Variants in ARHGAP24 observed in about 807,000 individuals in gnomAD.
ARHGAP24 encodes Rho GTPase activating protein 24.
ARHGAP24 carries 50 observed loss-of-function variants against 76.4 expected under a neutral mutation model. That is an observed-to-expected ratio of 0.65 (90% CI 0.52 to 0.83). The LOEUF (loss-of-function observed/expected upper bound fraction) is 0.83. Ranked by LOEUF, ARHGAP24 falls within the 40% of genes least tolerant of loss-of-function variation. ARHGAP24 has a pLI of 0.00. For synonymous variants in ARHGAP24, 345 were observed against 323.3 expected, an observed-to-expected ratio of 1.07 and a Z score of -0.72; for missense variants, 930 against 914.2, an observed-to-expected ratio of 1.02 and a Z score of -0.22.
chr4:85,558,990 G>C (rs539232459), intron 1 of ARHGAP24, among the ~76,000 whole-genome samples: 43 of 148,274 alleles, frequency 2.9e-4, no homozygotes, highest in African/African-American at 1.0e-3. Context: ...ATTAAAAGTA[G>C]TGTTTCAGGA....
chr4:85,821,319 T>A (rs1729461157), intron 3 of ARHGAP24, among the ~76,000 whole-genome samples: 1 of 152,218 alleles, frequency 6.6e-6, no homozygotes, highest in African/African-American at 2.4e-5. Context: ...TAGATTAAAC[T>A]TGAAAAAGTT....
chr4:85,662,466 T>G (rs1379667558), intron 2 of ARHGAP24, among the ~76,000 whole-genome samples: 1 of 151,234 alleles, frequency 6.6e-6, no homozygotes, highest in East Asian at 1.9e-4. Context: ...ATTTTGTAGG[T>G]TGCCTTTTCA....
chr4:85,619,541 C>T (rs1384050814), intron 2 of ARHGAP24, among the ~76,000 whole-genome samples: 2 of 151,190 alleles, frequency 1.3e-5, no homozygotes, highest in Admixed American at 6.6e-5. Context: ...TGCTTTGGCT[C>T]TATGGATTGC....
In ARHGAP24 at chr4:85,476,971, C is replaced by T. The variant is rs890168063; in HGVS notation, c.-21+1412C>T. 9.2e-5 allele frequency among the ~76,000 whole-genome samples: 14 copies of T among 152,300 alleles called. No individual in the cohort carries two copies. The East Asian group carries it at 1.9e-3, about 21-fold the overall frequency. On this transcript the variant is annotated intron_variant, in intron 1 of 9. Transcript: ENST00000395184. ...CAGGTAGCAAGTCCAGAAATCTGTTCTCTCTAGAGCCATTACTTAGTGGTC... is the reference window on the plus strand; with the variant it reads ...CAGGTAGCAAGTCCAGAAATCTGTTTTCTCTAGAGCCATTACTTAGTGGTC...
chr4:85,484,432 T>C (rs1722939196), intron 1 of ARHGAP24, among the ~76,000 whole-genome samples: 1 of 152,098 alleles, frequency 6.6e-6, no homozygotes, highest in East Asian at 1.9e-4. Flanking sequence ...GCAATAATAA[T>C]ATTGATGATA....
At chr4:85,622,646 G>C (rs999755989) in intron 2 of ARHGAP24, among the ~76,000 whole-genome samples, 2 of 152,074 alleles carry the variant, frequency 1.3e-5, no homozygotes, top group Non-Finnish European at 2.9e-5. Context: ...GGTATTTCTA[G>C]TTCTAGATCC....
At chr4:85,810,736 C>T (rs1728975389) in intron 3 of ARHGAP24, among the ~76,000 whole-genome samples, 1 of 152,084 alleles carries the variant, frequency 6.6e-6, no homozygotes, top group Non-Finnish European at 1.5e-5. Flanking sequence ...CCTCTGAACC[C>T]AATCAAATTA....
intron 2 of ARHGAP24, among the ~76,000 whole-genome samples, chr4:85,720,243 C>G (rs1724880452): frequency 7.0e-6 from 1 of 142,572 alleles, no homozygotes; most frequent in African/African-American, 2.6e-5. Flanking sequence ...TGCACATGTA[C>G]CCTAGAACTT....
At chr4:85,939,402 A>G (rs1429998591) in intron 4 of ARHGAP24, among the ~76,000 whole-genome samples, 1 of 152,222 alleles carries the variant, frequency 6.6e-6, no homozygotes, top group African/African-American at 2.4e-5. Context: ...GTGGACTTCC[A>G]TTCTGCCACT....
chr4:85,730,982 A>T (rs1171995117), intron 3 of ARHGAP24, among the ~76,000 whole-genome samples: 2 of 131,114 alleles, frequency 1.5e-5, no homozygotes, highest in Non-Finnish European at 3.2e-5. Context: ...CATTTAATAT[A>T]ACTGCACACA....
chr4:85,698,887 G>T (rs991804519), intron 2 of ARHGAP24, among the ~76,000 whole-genome samples: 3 of 152,120 alleles, frequency 2.0e-5, no homozygotes, highest in African/African-American at 7.2e-5. Flanking sequence ...CCTCATAGCC[G>T]GTGCTGTCTT....
At chr4:85,537,768 C>T (rs955489929) in intron 1 of ARHGAP24, among the ~76,000 whole-genome samples, 3 of 152,036 alleles carry the variant, frequency 2.0e-5, no homozygotes, top group Non-Finnish European at 4.4e-5. Flanking sequence ...TGCAGATTGC[C>T]CCTAGAGACT....
chr4:85,803,271 A>G (rs965460865), intron 3 of ARHGAP24, among the ~76,000 whole-genome samples: 1 of 152,192 alleles, frequency 6.6e-6, no homozygotes, highest in African/African-American at 2.4e-5. Context: ...GTCACCTCCT[A>G]TACCAATTGA....
At chr4:85,963,901 T>TC (rs2148844371) in intron 5 of ARHGAP24, among the ~76,000 whole-genome samples, 1 of 152,240 alleles carries the variant, frequency 6.6e-6, no homozygotes, top group South Asian at 2.1e-4. Flanking sequence ...ATGTTTTTTT[T>TC]CAACTTTTTT....
At chr4:85,855,442 C>A (rs1731495464) in intron 3 of ARHGAP24, among the ~76,000 whole-genome samples, 1 of 152,190 alleles carries the variant, frequency 6.6e-6, no homozygotes. Context: ...TGTGGTGGCT[C>A]ACGCCTGTAA....
chr4:85,879,135 T>C (rs1440511276), intron 3 of ARHGAP24, among the ~76,000 whole-genome samples: 2 of 152,228 alleles, frequency 1.3e-5, no homozygotes, highest in Non-Finnish European at 2.9e-5. Flanking sequence ...TATGAATTAA[T>C]CCAGAAAGTG....
At chr4:85,871,388 C>T (rs924564899) in intron 3 of ARHGAP24, among the ~76,000 whole-genome samples, 1 of 152,078 alleles carries the variant, frequency 6.6e-6, no homozygotes, top group Non-Finnish European at 1.5e-5. Flanking sequence ...TTATAAAATG[C>T]CCAATACACC....
chr4:85,741,195 G>A (rs1201131131), intron 3 of ARHGAP24, among the ~76,000 whole-genome samples: 2 of 152,070 alleles, frequency 1.3e-5, no homozygotes, highest in African/African-American at 2.4e-5. Flanking sequence ...CCAGAGAGGT[G>A]GTTATTTGTT....
chr4:85,907,090 A>G (rs1734809545), intron 3 of ARHGAP24, among the ~76,000 whole-genome samples: 1 of 152,222 alleles, frequency 6.6e-6, no homozygotes. Context: ...TTGCTCAGAC[A>G]TCTAGCTATG....
Sources: allele counts gnomAD v4.1 joint callset (sites outside exome capture counted in the v4.1 genomes callset), GRCh38; gene constraint gnomAD v4.1.1; transcripts MANE v1.5; gene names NCBI Gene and HGNC (gene_info 2026-07-23, HGNC 2026-07-21).